Variants in YWHAE observed in about 807,000 individuals in gnomAD.
YWHAE encodes the protein tyrosine 3-monooxygenase/tryptophan 5-monooxygenase activation protein epsilon.
In YWHAE, 4 loss-of-function variants were observed where a neutral mutation model predicts 30.1. The observed-to-expected ratio is 0.13, with a 90% confidence interval of 0.07 to 0.30. The LOEUF (loss-of-function observed/expected upper bound fraction) is 0.30, where lower values mean the gene tolerates loss of function less well. YWHAE is among the 10% of genes least tolerant of loss of function. The pLI is 1.00. For missense variants in YWHAE, 121 were observed against 315.9 expected, an observed-to-expected ratio of 0.38 and a Z score of 4.68; for synonymous variants, 118 against 111.8, an observed-to-expected ratio of 1.06 and a Z score of -0.35.
chr17:1,373,888 G>A (rs1242083644), intron 1 of YWHAE, among the ~76,000 whole-genome samples: 2 of 152,168 alleles, frequency 1.3e-5, no homozygotes, highest in East Asian at 3.9e-4. Context: ...CCCATGACTG[G>A]CTTCTTTCCC....
rs1020490823 is a variant in YWHAE, at chr17:1,400,188, G to A, written c.-78C>T. On this transcript the variant is annotated 5_prime_UTR_variant, in exon 1 of 6. Coordinates refer to ENST00000264335, the MANE Select transcript of YWHAE (RefSeq NM_006761.5). ...TCCGACTCTCTCAGCCTCTCGCTCC[G>A]CGTCCGGGCAGCAAAAATGGCGGCG... 3.8e-6 allele frequency: 6 copies of A among 1,565,896 alleles called. No homozygotes were observed. Among genetic ancestry groups the A allele is most frequent in the Admixed American group, 1.7e-5 (1 of 59,222 alleles).
chr17:1,391,965 G>A (rs1030319728), intron 1 of YWHAE, among the ~76,000 whole-genome samples: 3 of 151,998 alleles, frequency 2.0e-5, no homozygotes, highest in Non-Finnish European at 2.9e-5. Context: ...GCCTGTAATC[G>A]CAAAACTTTG....
At chr17:1,347,478 G>A (rs939713814) in intron 5 of YWHAE, among the ~76,000 whole-genome samples, 6 of 152,038 alleles carry the variant, frequency 3.9e-5, no homozygotes, top group East Asian at 1.9e-4. Flanking sequence ...GCAAAACTCC[G>A]TCTCAAAAAA....
At chr17:1,384,413 C>CG (rs996113306) in intron 1 of YWHAE, among the ~76,000 whole-genome samples, 16 of 149,918 alleles carry the variant, frequency 1.1e-4, no homozygotes, top group African/African-American at 3.4e-4. Flanking sequence ...TATGCTCGAC[C>CG]GGGCGCGGTG....
At chr17:1,356,437 G>C (rs1006440457) in intron 4 of YWHAE, among the ~76,000 whole-genome samples, 2 of 152,150 alleles carry the variant, frequency 1.3e-5, no homozygotes, top group African/African-American at 2.4e-5. Context: ...CAATTAAAGG[G>C]AAAGTCAAAT....
intron 1 of YWHAE, among the ~76,000 whole-genome samples, chr17:1,382,891 G>A (rs912337752): frequency 4.6e-5 from 7 of 151,766 alleles, no homozygotes; most frequent in African/African-American, 1.2e-4. Context: ...CAGGTGTGTT[G>A]GCATATGACT....
chr17:1,378,425 T>C (rs1202685893), intron 1 of YWHAE, among the ~76,000 whole-genome samples: 1 of 152,226 alleles, frequency 6.6e-6, no homozygotes, highest in African/African-American at 2.4e-5. Flanking sequence ...CATTCTGCCT[T>C]ACTGATTTCT....
chr17:1,361,524 T>A (rs1478787980), intron 3 of YWHAE: 2 of 462,938 alleles, frequency 4.3e-6, no homozygotes, highest in Admixed American at 3.9e-5. Context: ...TCCCAGGAAA[T>A]TAACTGAGGA....
At chr17:1,350,004 G>T (rs1026943151) in intron 5 of YWHAE, among the ~76,000 whole-genome samples, 2 of 150,976 alleles carry the variant, frequency 1.3e-5, no homozygotes, top group African/African-American at 4.9e-5. Flanking sequence ...CCAGGCTGGA[G>T]TGCAACGGCG....
At chr17:1,377,205 C>T (rs1269273394) in intron 1 of YWHAE, among the ~76,000 whole-genome samples, 1 of 152,148 alleles carries the variant, frequency 6.6e-6, no homozygotes, top group Non-Finnish European at 1.5e-5. Flanking sequence ...GGGGTTACCA[C>T]ACCCGGCCCT....
At chr17:1,398,565 T>TA (rs1225122702) in intron 1 of YWHAE, among the ~76,000 whole-genome samples, 54 of 152,108 alleles carry the variant, frequency 3.6e-4, no homozygotes, top group African/African-American at 1.3e-3. Context: ...ATAGGTATTT[T>TA]AATTAGGAAA....
chr17:1,379,101 G>A (rs1291593240), intron 1 of YWHAE, among the ~76,000 whole-genome samples: 1 of 152,114 alleles, frequency 6.6e-6, no homozygotes, highest in Non-Finnish European at 1.5e-5. Context: ...GCTGCTTGAA[G>A]CCTGCTTAAA....
At chr17:1,354,177 A>G (rs1040734447) in intron 5 of YWHAE, 34 bp downstream of exon 5, 5 of 1,602,470 alleles carry the variant, frequency 3.1e-6, no homozygotes, top group Non-Finnish European at 4.3e-6. Context: ...CCTGCAACTG[A>G]AAGAGGTGCC....
chr17:1,395,131 G>A (rs1483681013), intron 1 of YWHAE, among the ~76,000 whole-genome samples: 6 of 149,428 alleles, frequency 4.0e-5, no homozygotes, highest in East Asian at 2.0e-4. Context: ...GGTGGCTCAC[G>A]CCTGTAATTC....
intron 1 of YWHAE, among the ~76,000 whole-genome samples, chr17:1,365,985 G>A (rs896074005): frequency 7.7e-5 from 5 of 65,330 alleles, no homozygotes; most frequent in Admixed American, 5.6e-4. Context: ...TTGGCAGGCC[G>A]AGGTGGCACA....
At chr17:1,357,178 T>G (rs1212158293) in intron 4 of YWHAE, among the ~76,000 whole-genome samples, 2 of 140,402 alleles carry the variant, frequency 1.4e-5, no homozygotes, top group African/African-American at 2.7e-5. Flanking sequence ...CCGAGGCGGG[T>G]GGATCACGAG....
At chr17:1,396,502 T>A (rs1367208495) in intron 1 of YWHAE, among the ~76,000 whole-genome samples, 8 of 152,132 alleles carry the variant, frequency 5.3e-5, no homozygotes, top group Non-Finnish European at 1.2e-4. Context: ...CATCAAAACT[T>A]CATCCTACCT....
In YWHAE at chr17:1,384,707, G is replaced by A. The variant is rs1190803258; in HGVS notation, c.64+15340C>T. Among the ~76,000 whole-genome samples, 7 of 151,748 alleles carry A rather than the reference G, an allele frequency of 4.6e-5. 1 individual carries two copies. Among genetic ancestry groups the A allele is most frequent in the African/African-American group, 1.7e-4 (7 of 41,352 alleles). On this transcript the variant is annotated intron_variant, in intron 1 of 5. Transcript: ENST00000264335. ...CTCCCAAAGTGCTGGGATTAAAGGA[G>A]TGAGCCACTGCGCCCAGCCCAGAGT...
At chr17:1,374,025 T>A (rs1181909210) in intron 1 of YWHAE, among the ~76,000 whole-genome samples, 13 of 152,066 alleles carry the variant, frequency 8.5e-5, no homozygotes, top group Admixed American at 8.5e-4. Flanking sequence ...GCTTTAAAAA[T>A]CCATTCATTA....
Sources: allele counts gnomAD v4.1 joint callset (sites outside exome capture counted in the v4.1 genomes callset), GRCh38; gene constraint gnomAD v4.1.1; transcripts MANE v1.5; gene names NCBI Gene and HGNC (gene_info 2026-07-23, HGNC 2026-07-21).